The following MIS18A variants were observed in gnomAD, a reference collection of about 807,000 sequenced individuals.
MIS18A encodes the protein protein Mis18-alpha.
Under a neutral mutation model 25.0 loss-of-function variants are expected in MIS18A, and 14 were observed. The ratio of observed to expected loss-of-function variants is 0.56; its 90% CI spans 0.37 to 0.88. MIS18A has a LOEUF of 0.88. MIS18A is among the 40% of genes least tolerant of loss of function. The pLI is 0.00. For synonymous variants in MIS18A, 134 were observed against 118.6 expected, an observed-to-expected ratio of 1.13 and a Z score of -0.84; for missense variants, 292 against 290.8, an observed-to-expected ratio of 1.00 and a Z score of -0.03.
chr21:32,228,078 T>A, the MIS18A span, among the ~76,000 whole-genome samples: 1 of 152,184 alleles, frequency 6.6e-6, no homozygotes, highest in South Asian at 2.1e-4. Flanking sequence ...GTTAACATCG[T>A]CTTTTTTTGT....
At chr21:32,275,835 C>T (rs2031797898) in intron 1 of MIS18A, among the ~76,000 whole-genome samples, 1 of 152,120 alleles carries the variant, frequency 6.6e-6, no homozygotes. Flanking sequence ...ACCTCACAAA[C>T]TTCACTCCAG....
the MIS18A span, among the ~76,000 whole-genome samples, chr21:32,165,831 C>T: frequency 6.6e-6 from 1 of 151,896 alleles, no homozygotes; most frequent in Non-Finnish European, 1.5e-5. Flanking sequence ...TACACTGGGC[C>T]CTTGTTGGGA....
At chr21:32,223,593 C>T in the MIS18A span, among the ~76,000 whole-genome samples, 2 of 152,100 alleles carry the variant, frequency 1.3e-5, no homozygotes, top group Admixed American at 1.3e-4. Context: ...AAGTCGAATC[C>T]CTGAATAGAC....
intron 2 of MIS18A, among the ~76,000 whole-genome samples, chr21:32,274,227 G>C (rs1349172187): frequency 1.4e-5 from 1 of 73,744 alleles, no homozygotes; most frequent in East Asian, 4.4e-4. Context: ...TTTTTTTTGA[G>C]ACGGAGTCTT....
the MIS18A span, chr21:32,260,431 A>T: frequency 1.3e-5 from 2 of 152,536 alleles, no homozygotes; most frequent in Admixed American, 1.3e-4. Context: ...TATCCAGGGG[A>T]TGTCGGCAGA....
the MIS18A span, among the ~76,000 whole-genome samples, chr21:32,155,739 CT>C: frequency 6.6e-6 from 1 of 151,906 alleles, no homozygotes; most frequent in African/African-American, 2.4e-5. Flanking sequence ...TTTTTGCTGC[CT>C]TTTTTATTAA....
At chr21:32,198,381 C>T in the MIS18A span, among the ~76,000 whole-genome samples, 1 of 152,164 alleles carries the variant, frequency 6.6e-6, no homozygotes, top group Non-Finnish European at 1.5e-5. Context: ...ACACTTGTTC[C>T]TCAAAGTGTG....
chr21:32,165,687 T>C, the MIS18A span, among the ~76,000 whole-genome samples: 2 of 151,556 alleles, frequency 1.3e-5, no homozygotes, highest in Admixed American at 6.6e-5. Context: ...CAAAGATGAC[T>C]GAGTGGGGGC....
the MIS18A span, among the ~76,000 whole-genome samples, chr21:32,201,281 G>A: frequency 6.6e-6 from 1 of 150,472 alleles, no homozygotes; most frequent in African/African-American, 2.4e-5. Flanking sequence ...CTCCAACATC[G>A]GAGCCGACCC....
At chr21:32,161,352 G>A in the MIS18A span, among the ~76,000 whole-genome samples, 1 of 151,920 alleles carries the variant, frequency 6.6e-6, no homozygotes, top group Admixed American at 6.6e-5. Context: ...GCACTGTTTG[G>A]GTATTTTATA....
At chr21:32,171,040 C>T in the MIS18A span, among the ~76,000 whole-genome samples, 3 of 151,958 alleles carry the variant, frequency 2.0e-5, no homozygotes, top group South Asian at 2.1e-4. Context: ...TACTTAATGA[C>T]GAAAGACTGA....
chr21:32,277,539 G>A (rs1443504520), intron 1 of MIS18A, among the ~76,000 whole-genome samples: 1 of 152,106 alleles, frequency 6.6e-6, no homozygotes, highest in Non-Finnish European at 1.5e-5. Flanking sequence ...TGCAACCTCC[G>A]CCTCCCGGGT....
downstream of MIS18A, among the ~76,000 whole-genome samples, chr21:32,263,461 C>T (rs1350124029): frequency 2.6e-5 from 4 of 152,238 alleles, no homozygotes; most frequent in East Asian, 1.9e-4. Flanking sequence ...ATTAGCCAGG[C>T]GTGGTGGCAC....
chr21:32,248,514 A>G, the MIS18A span, among the ~76,000 whole-genome samples: 2 of 152,246 alleles, frequency 1.3e-5, no homozygotes, highest in East Asian at 1.9e-4. Context: ...CATATGTTCC[A>G]TCTTTAGACT....
chr21:32,214,882 GGT>G, the MIS18A span, among the ~76,000 whole-genome samples: 9 of 152,174 alleles, frequency 5.9e-5, 1 homozygote, highest in East Asian at 1.7e-3. Context: ...GGTTTAACTG[GGT>G]CAGGGTGGGA....
the MIS18A span, among the ~76,000 whole-genome samples, chr21:32,255,725 T>G: frequency 2.9e-4 from 44 of 151,618 alleles, no homozygotes; most frequent in Non-Finnish European, 3.8e-4. Context: ...CCATCTCTAC[T>G]AAAAATACAG....
the MIS18A span, among the ~76,000 whole-genome samples, chr21:32,216,536 A>G: frequency 6.6e-6 from 1 of 152,270 alleles, no homozygotes; most frequent in Non-Finnish European, 1.5e-5. Flanking sequence ...GGGGCAAATA[A>G]TAGGCCAACC....
chr21:32,220,024 G>C, the MIS18A span, among the ~76,000 whole-genome samples: 1 of 152,196 alleles, frequency 6.6e-6, no homozygotes, highest in Non-Finnish European at 1.5e-5. Context: ...AGACCACCTG[G>C]GGGAAGGGGC....
At chr21:32,174,483 G>C in the MIS18A span, among the ~76,000 whole-genome samples, 1 of 152,182 alleles carries the variant, frequency 6.6e-6, no homozygotes, top group Non-Finnish European at 1.5e-5. Context: ...GTTTACCTAT[G>C]TAGCAAACCT....
Sources: gnomAD v4.1 joint callset for allele counts (sites outside exome capture counted in the v4.1 genomes callset) on GRCh38, gnomAD v4.1.1 for gene constraint, MANE v1.5 for transcripts, NCBI Gene and HGNC (gene_info 2026-07-23, HGNC 2026-07-21) for gene names.